CD300A: variants seen among roughly 807,000 people sequenced by gnomAD.
CD300A encodes CMRF35-like molecule 8.
In CD300A, 22 loss-of-function variants were observed where a neutral mutation model predicts 33.6. The observed-to-expected ratio is 0.66, with a 90% CI of 0.47 to 0.94. The LOEUF is 0.94. Among genes scored for constraint, CD300A ranks in the 40% least tolerant of loss-of-function variants. The pLI is 0.00. For synonymous variants in CD300A, 136 were observed against 148.1 expected, an observed-to-expected ratio of 0.92 and a Z score of 0.59; for missense variants, 326 against 360.5, an observed-to-expected ratio of 0.90 and a Z score of 0.77.
At chr17:74,479,672 G>A in intron 4 of CD300A, among the ~76,000 whole-genome samples, 1 of 152,128 alleles carries the variant, frequency 6.6e-6, no homozygotes, top group African/African-American at 2.4e-5. Flanking sequence ...GGTGTCTTAA[G>A]CTTCCTGTAA....
Position 74,481,840 on chromosome 17 carries a change from G to A in CD300A, c.774+7G>A. The A allele has an allele frequency of 1.9e-6, 3 of 1,601,182 alleles. No individual in the cohort carries two copies. The highest frequency in any genetic ancestry group is 2.6e-6 in the Non-Finnish European group (3 of 1,173,168). ...GGTGGAATACAGCACTGTGGTAAGT[G>A]CAGGAGCCCGGCTTTTGGGCATGCG... On this transcript the variant is annotated splice_region_variant and intron_variant, in intron 6 of 6. Coordinates refer to ENST00000360141, the MANE Select transcript of CD300A (RefSeq NM_007261.4).
intron 5 of CD300A, 176 bp downstream of exon 5, chr17:74,481,502 A>G: frequency 1.5e-6 from 1 of 672,960 alleles, no homozygotes; most frequent in Non-Finnish European, 2.6e-6. Flanking sequence ...AGTCCTGGCC[A>G]GCCTGTCCCC....
chr17:74,467,121 G>A, intron 1 of CD300A: 1 of 532,126 alleles, frequency 1.9e-6, no homozygotes, highest in Non-Finnish European at 2.5e-6. Flanking sequence ...TGGTGAGGGT[G>A]GGGGAGATGC....
chr17:74,467,365 A>G (rs60896143), intron 1 of CD300A, among the ~76,000 whole-genome samples: 85,600 of 151,974 alleles, frequency 0.56, 26,962 homozygotes, highest in African/African-American at 0.85. Context: ...TAGCCCCTGC[A>G]TGGGCCTGAG....
chr17:74,484,427 C>A lies in CD300A; in HGVS notation c.*301C>A. 1 of 220,160 alleles carries A rather than the reference C, an allele frequency of 4.5e-6. No homozygotes were observed. Among genetic ancestry groups the A allele is most frequent in the Non-Finnish European group, 9.1e-6 (1 of 109,560 alleles). 13.6% of individuals were successfully genotyped at this position (220,160 alleles called of 1,614,324 possible). A position where few individuals can be genotyped will look rare whatever the true frequency, so the allele number is the denominator to read the frequency against. ...TGTGTGTGGAGGACAAAGCTTCTTCCTGCGTGGCTCCAGGAAAAGATGTGG... is the reference window on the plus strand; with the variant it reads ...TGTGTGTGGAGGACAAAGCTTCTTCATGCGTGGCTCCAGGAAAAGATGTGG... On this transcript the variant is annotated 3_prime_UTR_variant, in exon 7 of 7. Transcript: ENST00000360141.
intron 2 of CD300A, 108 bp from the exon 3 acceptor site, chr17:74,474,424 C>G: frequency 1.8e-6 from 2 of 1,135,450 alleles, no homozygotes. Flanking sequence ...TGCATCCTGC[C>G]CCCTTCCTTA....
intron 1 of CD300A, among the ~76,000 whole-genome samples, chr17:74,471,608 G>C (rs1906105723): frequency 6.6e-6 from 1 of 152,194 alleles, no homozygotes; most frequent in Non-Finnish European, 1.5e-5. Flanking sequence ...AAACGCAGAT[G>C]GTTCTGAGGA....
rs2144550780 is a variant in CD300A, at chr17:74,484,691, A to C, written c.*565A>C. The C allele has an allele frequency of 6.6e-6, 1 of 152,364 alleles. No individual in the cohort carries two copies. The highest frequency in any genetic ancestry group is 2.4e-5 in the African/African-American group (1 of 41,590). 9.4% of individuals were successfully genotyped at this position (152,364 alleles called of 1,614,324 possible). On this transcript the variant is annotated 3_prime_UTR_variant, in exon 7 of 7. Transcript: ENST00000360141. ...GGAGAGAATTGCTCATGGCTCCAGA[A>C]CTGGTGGCAAGTTTCTCTGGACTCT...
chr17:74,483,364 C>CT (rs112316749), intron 6 of CD300A, among the ~76,000 whole-genome samples: 16,510 of 139,364 alleles, frequency 0.12, 1,339 homozygotes, highest in South Asian at 0.23. Flanking sequence ...TTCTTTTTTT[C>CT]TTTTTTTTTT....
intron 2 of CD300A, among the ~76,000 whole-genome samples, chr17:74,474,331 C>T (rs1240753610): frequency 6.6e-6 from 1 of 152,164 alleles, no homozygotes; most frequent in Non-Finnish European, 1.5e-5. Flanking sequence ...AAAATCAGGA[C>T]CACTGGGAGT....
At chr17:74,482,157 C>T (rs921208050) in intron 6 of CD300A, among the ~76,000 whole-genome samples, 14 of 149,712 alleles carry the variant, frequency 9.4e-5, no homozygotes, top group Admixed American at 7.5e-4. Context: ...TTGGTCTCAT[C>T]ATCTCTTTGA....
intron 4 of CD300A, among the ~76,000 whole-genome samples, chr17:74,479,498 G>A (rs1204822031): frequency 6.6e-6 from 1 of 151,844 alleles, no homozygotes; most frequent in East Asian, 1.9e-4. Context: ...CAGAGTGCTG[G>A]GATTACAGAT....
intron 1 of CD300A, among the ~76,000 whole-genome samples, chr17:74,472,399 G>T (rs1906164286): frequency 6.6e-6 from 1 of 152,206 alleles, no homozygotes; most frequent in Non-Finnish European, 1.5e-5. Context: ...GCCTGGGGCA[G>T]GGGCCATGTG....
At chr17:74,477,355 A>G (rs1906534345) in intron 3 of CD300A, 81 bp from the exon 4 acceptor site, 2 of 955,358 alleles carry the variant, frequency 2.1e-6, no homozygotes, top group Non-Finnish European at 1.6e-6. Context: ...GTCTCAAAAA[A>G]TAAAAATAAA....
intron 1 of CD300A, among the ~76,000 whole-genome samples, chr17:74,468,198 T>C (rs1905858378): frequency 6.6e-6 from 1 of 151,226 alleles, no homozygotes; most frequent in Non-Finnish European, 1.5e-5. Flanking sequence ...CCATGCCTGG[T>C]TAATTTTGTA....
chr17:74,474,590 T>G lies in CD300A; in HGVS notation c.438T>G (p.Thr146=). ...CGGCCAAGACCTCAACAATCACAAC[T>G]GCATTTCCACCTGTATCATCCACTA... ...ITAAKTSTIT[T]AFPPVSSTTL... The change falls in exon 3 of 7, where the codon ACT becomes ACG. Residue 146 remains threonine, a synonymous_variant. Coordinates refer to ENST00000360141, the MANE Select transcript of CD300A (RefSeq NM_007261.4). 1 of 1,614,146 alleles carries G rather than the reference T, an allele frequency of 6.2e-7. No homozygotes were observed. The highest frequency in any genetic ancestry group is 8.5e-7 in the Non-Finnish European group (1 of 1,179,992).
At chr17:74,482,697 C>CCTTTCTTTCTTTCTTTCTTTCTT (rs1906955573) in intron 6 of CD300A, among the ~76,000 whole-genome samples, 1 of 130,126 alleles carries the variant, frequency 7.7e-6, no homozygotes, top group African/African-American at 3.8e-5. Flanking sequence ...TTCCTTCCTT[C>CCTTTCTTTCTTTCTTTCTTTCTT]CTTTCTTTCT....
At chr17:74,468,070 T>C (rs1905846391) in intron 1 of CD300A, among the ~76,000 whole-genome samples, 1 of 150,962 alleles carries the variant, frequency 6.6e-6, no homozygotes. Flanking sequence ...GTTTTGCTCT[T>C]GTTGCCCAGG....
chr17:74,477,510 T>A lies in CD300A; in HGVS notation c.608T>A (p.Met203Lys), dbSNP rs1203123512. Residue 203 changes from methionine (M) to lysine (K), a missense_variant, in exon 4 of 7, where the codon ATG becomes AAG. By Grantham distance (95) the Met-to-Lys change is moderately conservative. Transcript: ENST00000360141. ...GGGGCCTCCCTGCTAGCCTGGAGGATGTTTCAGAAATGGATCAAAGGTGAG... is the reference window on the plus strand; with the variant it reads ...GGGGCCTCCCTGCTAGCCTGGAGGAAGTTTCAGAAATGGATCAAAGGTGAG... The part of the protein sequence containing the change: ...LVGASLLAWR[M>K]FQKWIKAGDH... 2 of 1,613,002 alleles carry A rather than the reference T, an allele frequency of 1.2e-6. No individual in the cohort carries two copies. The highest frequency in any genetic ancestry group is 1.3e-5 in the African/African-American group (1 of 74,814).
Sources: gnomAD v4.1 joint callset for allele counts (sites outside exome capture counted in the v4.1 genomes callset) on GRCh38, gnomAD v4.1.1 for gene constraint, MANE v1.5 for transcripts, NCBI Gene and HGNC (gene_info 2026-07-23, HGNC 2026-07-21) for gene names.